Variants in NADK observed in about 807,000 individuals in gnomAD.
The protein encoded by NADK is NAD kinase.
In NADK, 22 loss-of-function variants were observed where a neutral mutation model predicts 49.8. That is an observed-to-expected ratio of 0.44 (90% CI 0.32 to 0.63). NADK has a LOEUF of 0.63. Ranked by LOEUF, NADK falls within the 30% of genes least tolerant of loss-of-function variation. NADK has a pLI of 0.06. For synonymous variants in NADK, 268 were observed against 253.7 expected, an observed-to-expected ratio of 1.06 and a Z score of -0.54; for missense variants, 438 against 609.4, an observed-to-expected ratio of 0.72 and a Z score of 2.96.
chr1:1,757,630 G>GGCT (rs1645573167), intron 3 of NADK, among the ~76,000 whole-genome samples: 1 of 152,086 alleles, frequency 6.6e-6, no homozygotes, highest in Non-Finnish European at 1.5e-5. Context: ...TTGCCTGCCT[G>GGCT]GCTCCTCAGT....
chr1:1,757,219 G>A lies in NADK; in HGVS notation c.355C>T (p.Leu119=). 1 of 1,610,696 alleles carries A rather than the reference G, an allele frequency of 6.2e-7. No homozygotes were observed. The highest frequency in any genetic ancestry group is 8.5e-7 in the Non-Finnish European group (1 of 1,178,522). ...VIKKMRDASL[L]QPFKELCTHL... ...GTGCAGAGCTCCTTGAACGGCTGCA[G>A]TAGGCTGGCATCTCTCATCTTCTTG... The change falls in exon 4 of 12, where the codon CTG becomes TTG. Residue 119 remains leucine, a synonymous_variant. Transcript: ENST00000341426.
intron 3 of NADK, among the ~76,000 whole-genome samples, chr1:1,761,199 G>A (rs755073986): frequency 4.5e-4 from 69 of 152,166 alleles, no homozygotes; most frequent in Admixed American, 9.8e-4. Context: ...CACCATATTG[G>A]CCAGGCTGGT....
chr1:1,754,309 G>C lies in NADK; in HGVS notation c.918C>G (p.His306Gln). 6.2e-7 allele frequency: 1 copy of C among 1,613,854 alleles called. No individual in the cohort carries two copies. The highest frequency in any genetic ancestry group is 8.5e-7 in the Non-Finnish European group (1 of 1,179,960). The change falls in exon 9 of 12, where the codon CAC becomes CAG. Residue 306 changes from histidine (H) to glutamine (Q), a missense_variant. Coordinates refer to ENST00000341426, the MANE Select transcript of NADK (RefSeq NM_023018.5). The surrounding 1 kb of genome is among the most constrained non-coding windows in gnomAD (Gnocchi z 4.3). The part of the protein sequence containing the change: ...LSNVDVYLDG[H>Q]LITTVQGDGV... ...CGTCGCCCTGCACCGTGGTGATGAG[G>C]TGTCCGTCCAGGTAGACATCCACAT...
chr1:1,755,504 T>C (rs2072929), intron 6 of NADK, 28 bp from the exon 7 acceptor site: 720,552 of 1,572,066 alleles, frequency 0.46, 168,282 homozygotes, highest in Middle Eastern at 0.54. Context: ...GGTCACTCAG[T>C]GCCCACGCCG....
At position 1,773,715 on chromosome 1, in the gene NADK, T is replaced by TGAGAGAGA. The variant is rs1289878238; in HGVS notation, c.-41+4573_-41+4574insTCTCTCTC. 3.4e-3 allele frequency among the ~76,000 whole-genome samples: 456 copies of TGAGAGAGA among 133,462 alleles called. 12 individuals are homozygous for TGAGAGAGA. Among genetic ancestry groups the TGAGAGAGA allele is most frequent in the South Asian group, 0.01 (43 of 4,152 alleles). The allele number at this position is 133,462 out of a possible 152,430, so 87.6% of individuals were successfully genotyped here. ...GTGTGTGTGTGTGTGTGTGTGTGTGTGTGTGTGTGTGTGTGAGAGAGAGAG... is the reference window on the plus strand; with the variant it reads ...GTGTGTGTGTGTGTGTGTGTGTGTGTGAGAGAGAGTGTGTGTGTGTGTGAGAGAGAGAG... On this transcript the variant is annotated intron_variant, in intron 1 of 11. Coordinates refer to ENST00000341426, the MANE Select transcript of NADK (RefSeq NM_023018.5).
At chr1:1,753,690 G>C (rs777891686) in intron 10 of NADK, 41 bp from the exon 11 acceptor site, 1 of 1,545,744 alleles carries the variant, frequency 6.5e-7, no homozygotes, top group Non-Finnish European at 8.8e-7. Flanking sequence ...CCCAGCTGTG[G>C]GGAGGACGCT....
At chr1:1,762,802 G>A (rs1397140524) in intron 2 of NADK, among the ~76,000 whole-genome samples, 2 of 152,052 alleles carry the variant, frequency 1.3e-5, no homozygotes, top group East Asian at 1.9e-4. Context: ...AATAAAAGAC[G>A]CCAGATGAAC....
At chr1:1,768,235 T>A (rs1229320553) in intron 1 of NADK, among the ~76,000 whole-genome samples, 1 of 149,824 alleles carries the variant, frequency 6.7e-6, no homozygotes, top group Non-Finnish European at 1.5e-5. Flanking sequence ...AGAATGAGCA[T>A]CCTTGTAAGA....
rs116018868 is a variant in NADK, at chr1:1,759,004, G to A, written c.264-1694C>T. ...CTCTGCTTGGCTCCGGCCCAAGGGC[G>A]TGCAGGTGGCTCACGGTCCTCCGGC... On this transcript the variant is annotated intron_variant, in intron 3 of 11. Transcript: ENST00000341426. 2.3e-3 allele frequency: 3,199 copies of A among 1,392,060 alleles called. 49 individuals are homozygous for A. In the African/African-American group the frequency reaches 0.042, roughly 18 times the overall value. 86.2% of individuals were successfully genotyped at this position (1,392,060 alleles called of 1,614,324 possible).
At position 1,765,464 on chromosome 1, in the gene NADK, A is replaced by C. The variant is rs529298705; in HGVS notation, c.-40-18T>G. On this transcript the variant is annotated intron_variant, in intron 1 of 11. Transcript: ENST00000341426. ...ACTGATGCCTTAATTTAATAAAATAAATAATGTAAATAAAGTAAATAAATA... is the reference window on the plus strand; with the variant it reads ...ACTGATGCCTTAATTTAATAAAATACATAATGTAAATAAAGTAAATAAATA... 8.8e-6 allele frequency: 10 copies of C among 1,133,302 alleles called. No homozygotes were observed. The East Asian group carries it at 2.5e-4, about 28-fold the overall frequency. The allele number at this position is 1,133,302 out of a possible 1,614,324, so 70.2% of individuals were successfully genotyped here. A position where few individuals can be genotyped will look rare whatever the true frequency, so the allele number is the denominator to read the frequency against.
rs1645738942 is a variant in NADK at position 1,761,956 on chromosome 1, T to C, written c.259A>G (p.Ile87Val). 2 of 1,613,758 alleles carry C rather than the reference T, an allele frequency of 1.2e-6. No individual in the cohort carries two copies. Among genetic ancestry groups the C allele is most frequent in the African/African-American group, 1.3e-5 (1 of 74,898 alleles). Residue 87 changes from isoleucine to valine, a missense_variant, in exon 3 of 12, where the codon ATC (isoleucine) becomes GTC (valine). Transcript: ENST00000341426. ...TCCTGGGGCCCCAGCACTCACATGA[T>C]GGTCTGGGGGTTCTGCAGCACACAG... Reference protein sequence around the residue: ...KACVLQNPQTIMHIQDPASQR... With the variant: ...KACVLQNPQTVMHIQDPASQR...
In NADK at chr1:1,761,851, A is replaced by G. The variant is rs544601635; in HGVS notation, c.263+101T>C. On this transcript the variant is annotated intron_variant, in intron 3 of 11. Transcript: ENST00000341426. Reference sequence around the variant, plus strand: ...ACAGCGATCCCACAACTCCACACACATCCCGAGGACTCCCCCATCCCATGG... The same window carrying G: ...ACAGCGATCCCACAACTCCACACACGTCCCGAGGACTCCCCCATCCCATGG... 2.9e-6 allele frequency: 3 copies of G among 1,031,202 alleles called. No individual in the cohort carries two copies. In the South Asian group the frequency reaches 4.0e-5, roughly 14 times the overall value. 63.9% of individuals were successfully genotyped at this position (1,031,202 alleles called of 1,614,324 possible).
chr1:1,771,860 T>A (rs977982126), intron 1 of NADK, among the ~76,000 whole-genome samples: 1 of 151,682 alleles, frequency 6.6e-6, no homozygotes, highest in Non-Finnish European at 1.5e-5. Flanking sequence ...CAGGCTGGAG[T>A]ACAGTGGTGT....
At position 1,754,311 on chromosome 1, in the gene NADK, G is replaced by A. The variant is rs1435272538; in HGVS notation, c.916C>T (p.His306Tyr). The A allele has an allele frequency of 2.5e-6, 4 of 1,613,854 alleles. No homozygotes were observed. In the East Asian group the frequency reaches 8.9e-5, roughly 36 times the overall value. ...LSNVDVYLDG[H>Y]LITTVQGDGV... ...TCGCCCTGCACCGTGGTGATGAGGTGTCCGTCCAGGTAGACATCCACATTG... is the reference window on the plus strand; with the variant it reads ...TCGCCCTGCACCGTGGTGATGAGGTATCCGTCCAGGTAGACATCCACATTG... The change falls in exon 9 of 12, where the codon CAC becomes TAC. Residue 306 changes from histidine (H) to tyrosine (Y), a missense_variant. By Grantham distance (83) the His-to-Tyr change is moderately conservative (BLOSUM62 2). Coordinates refer to ENST00000341426, the MANE Select transcript of NADK (RefSeq NM_023018.5). The surrounding 1 kb of genome is among the most constrained non-coding windows in gnomAD (Gnocchi z 4.3).
chr1:1,769,505 C>T (rs1348964556), intron 1 of NADK, among the ~76,000 whole-genome samples: 1 of 151,966 alleles, frequency 6.6e-6, no homozygotes. Flanking sequence ...GAGCCGATAT[C>T]GCGCCATGGC....
rs1223036052 is a variant in NADK, at chr1:1,753,106, C to T, written c.1185-46G>A. 9.6e-6 allele frequency: 15 copies of T among 1,568,584 alleles called. No individual in the cohort carries two copies. The Admixed American group carries it at 2.5e-4, about 27-fold the overall frequency. Reference sequence around the variant, plus strand: ...CCTGAGCCAGGGCTTCCAGAAAGGCCCACCCCCGGCCAAGAACCCTTCCTC... The same window carrying T: ...CCTGAGCCAGGGCTTCCAGAAAGGCTCACCCCCGGCCAAGAACCCTTCCTC... On this transcript the variant is annotated intron_variant, in intron 11 of 11. Transcript: ENST00000341426.
In NADK at chr1:1,774,239, T is replaced by C. The variant is rs114592081; in HGVS notation, c.-41+4050A>G. On this transcript the variant is annotated intron_variant, in intron 1 of 11. Coordinates refer to ENST00000341426, the MANE Select transcript of NADK (RefSeq NM_023018.5). ...CCAATACCACAACCAGTGTATTTTT[T>C]GTTTTTTTGAGATGGAGCTTCGCTG... Among the ~76,000 whole-genome samples the C allele has an allele frequency of 4.5e-3, 681 of 152,118 alleles. 5 individuals carry two copies. The highest frequency in any genetic ancestry group is 0.015 in the African/African-American group (602 of 41,502).
intron 3 of NADK, 69 bp from the exon 4 acceptor site, chr1:1,757,379 GA>G: frequency 7.4e-7 from 1 of 1,355,798 alleles, no homozygotes. Context: ...GTATGACTTA[GA>G]AAATAAAAAA....
At chr1:1,779,666 T>TA (rs1360189977), upstream of NADK, among the ~76,000 whole-genome samples, 47 of 138,538 alleles carry the variant, frequency 3.4e-4, no homozygotes, top group African/African-American at 9.1e-4. Flanking sequence ...TATATATATA[T>TA]TTGTGTGTGT....
Sources: allele counts gnomAD v4.1 joint callset (sites outside exome capture counted in the v4.1 genomes callset), GRCh38; gene constraint gnomAD v4.1.1; non-coding constraint Gnocchi (gnomAD v3.1); transcripts MANE v1.5; gene names NCBI Gene and HGNC (gene_info 2026-07-23, HGNC 2026-07-21).